Variants in LRP1B observed in about 807,000 individuals in gnomAD.
The protein encoded by LRP1B is low-density lipoprotein receptor-related protein 1B.
LRP1B carries 217 observed loss-of-function variants against 556.6 expected under a neutral mutation model. The ratio of observed to expected loss-of-function variants is 0.39; its 90% CI spans 0.35 to 0.44. The LOEUF is 0.44. Ranked by LOEUF, LRP1B falls within the 20% of genes least tolerant of loss-of-function variation. The probability of loss-of-function intolerance (pLI) is 1.00; values close to 1 mark genes in which losing one functional copy is unlikely to be tolerated. For synonymous variants in LRP1B, 2,047 were observed against 1,865.8 expected, an observed-to-expected ratio of 1.10 and a Z score of -2.50; for missense variants, 5,053 against 5,620.8, an observed-to-expected ratio of 0.90 and a Z score of 3.23.
At chr2:141,819,189 G>C (rs1696670887) in intron 1 of LRP1B, among the ~76,000 whole-genome samples, 1 of 151,764 alleles carries the variant, frequency 6.6e-6, no homozygotes, top group African/African-American at 2.4e-5. Context: ...AGTGAGCTGA[G>C]ATCACGCCAT....
At chr2:141,973,772 T>C (rs920470156) in intron 1 of LRP1B, among the ~76,000 whole-genome samples, 2 of 134,256 alleles carry the variant, frequency 1.5e-5, no homozygotes, top group African/African-American at 5.6e-5. Flanking sequence ...CTTTCAAATA[T>C]TGAAACATTA....
At chr2:141,988,859 C>A (rs1016450731) in intron 1 of LRP1B, among the ~76,000 whole-genome samples, 2 of 151,982 alleles carry the variant, frequency 1.3e-5, no homozygotes, top group East Asian at 3.9e-4. Flanking sequence ...CACTTTAGAG[C>A]ATTTTCTCAT....
At chr2:141,103,962 GTT>G (rs1229027936) in intron 7 of LRP1B, among the ~76,000 whole-genome samples, 1 of 151,732 alleles carries the variant, frequency 6.6e-6, no homozygotes, top group Non-Finnish European at 1.5e-5. Flanking sequence ...ATTTCTCCAT[GTT>G]TTTCACGTTC....
intron 1 of LRP1B, among the ~76,000 whole-genome samples, chr2:142,040,371 G>T (rs116480107): frequency 1.2e-4 from 18 of 151,238 alleles, no homozygotes; most frequent in African/African-American, 4.4e-4. Flanking sequence ...TGCACATTCC[G>T]GGAGGCAAAT....
intron 20 of LRP1B, among the ~76,000 whole-genome samples, chr2:140,934,472 C>A (rs1398370890): frequency 6.6e-6 from 1 of 152,108 alleles, no homozygotes; most frequent in African/African-American, 2.4e-5. Context: ...TATCTTGGAA[C>A]TGAAGTCTAC....
At chr2:141,942,346 G>A (rs1700833769) in intron 1 of LRP1B, among the ~76,000 whole-genome samples, 1 of 151,860 alleles carries the variant, frequency 6.6e-6, no homozygotes, top group Non-Finnish European at 1.5e-5. Flanking sequence ...GCAGTTTGAA[G>A]CCAACCTTTT....
At chr2:141,040,155 T>G (rs1373339997) in intron 11 of LRP1B, among the ~76,000 whole-genome samples, 1 of 152,074 alleles carries the variant, frequency 6.6e-6, no homozygotes, top group East Asian at 1.9e-4. Flanking sequence ...CCTTTAATAG[T>G]TGGTCAGAGT....
intron 2 of LRP1B, among the ~76,000 whole-genome samples, chr2:141,583,919 T>A (rs1687037683): frequency 6.6e-6 from 1 of 151,528 alleles, no homozygotes; most frequent in Admixed American, 6.6e-5. Context: ...TTTTTTTTTT[T>A]AGTAGCGATG....
intron 3 of LRP1B, among the ~76,000 whole-genome samples, chr2:141,334,432 C>T (rs771105023): frequency 7.9e-5 from 12 of 152,262 alleles, no homozygotes; most frequent in Non-Finnish European, 1.6e-4. Flanking sequence ...TGCGGCCTTA[C>T]AGCCATGCTT....
intron 1 of LRP1B, among the ~76,000 whole-genome samples, chr2:141,908,424 G>A (rs191218914): frequency 6.6e-6 from 1 of 152,050 alleles, no homozygotes; most frequent in East Asian, 1.9e-4. Flanking sequence ...AGACAGGTAA[G>A]ATTCTTTTCT....
intron 86 of LRP1B, among the ~76,000 whole-genome samples, chr2:140,251,715 G>A (rs1681426240): frequency 6.6e-6 from 1 of 151,436 alleles, no homozygotes; most frequent in Admixed American, 6.6e-5. Context: ...TGGCACAAAG[G>A]GATTAAAGAA....
intron 5 of LRP1B, among the ~76,000 whole-genome samples, chr2:141,241,629 A>G (rs903468387): frequency 6.6e-6 from 1 of 151,992 alleles, no homozygotes; most frequent in Admixed American, 6.6e-5. Flanking sequence ...CAGTACCCTC[A>G]TTTCGCTTCC....
chr2:141,460,182 A>C (rs1681805701), intron 3 of LRP1B, among the ~76,000 whole-genome samples: 1 of 152,144 alleles, frequency 6.6e-6, no homozygotes, highest in Admixed American at 6.6e-5. Context: ...TCCCTTAAAA[A>C]ATTTACCAAT....
At chr2:141,241,271 A>G (rs1380574622) in intron 5 of LRP1B, among the ~76,000 whole-genome samples, 1 of 152,070 alleles carries the variant, frequency 6.6e-6, no homozygotes, top group African/African-American at 2.4e-5. Context: ...TGGCCAGGCT[A>G]CCGGTCCGGG....
chr2:140,811,172 G>A (rs1481798629), intron 32 of LRP1B, among the ~76,000 whole-genome samples: 1 of 152,112 alleles, frequency 6.6e-6, no homozygotes, highest in Non-Finnish European at 1.5e-5. Flanking sequence ...TCTGCAAGGC[G>A]GGGTTCCTCT....
At chr2:141,057,871 C>G (rs921897254) in intron 9 of LRP1B, among the ~76,000 whole-genome samples, 2 of 152,002 alleles carry the variant, frequency 1.3e-5, no homozygotes, top group South Asian at 4.1e-4. Flanking sequence ...CATGGAACTT[C>G]TTCTGACTCT....
intron 14 of LRP1B, among the ~76,000 whole-genome samples, chr2:141,006,055 C>A (rs903517491): frequency 2.0e-5 from 3 of 151,932 alleles, no homozygotes; most frequent in African/African-American, 7.2e-5. Context: ...AGGTATACAA[C>A]AGACATAAAT....
At chr2:140,512,396 TG>T (rs1244959127) in intron 51 of LRP1B, among the ~76,000 whole-genome samples, 7 of 152,284 alleles carry the variant, frequency 4.6e-5, no homozygotes, top group African/African-American at 1.7e-4. Flanking sequence ...CACTGCCATC[TG>T]GAGATATACT....
chr2:140,934,993 T>C lies in LRP1B; in HGVS notation c.3137-11846A>G, dbSNP rs137856141. ...AAGACCTGAAAAGACCTTAAGTTTA[T>C]ACCCCAGGGTAATCTGTGGCACAGA... On this transcript the variant is annotated intron_variant, in intron 20 of 90. Coordinates refer to ENST00000389484, the MANE Select transcript of LRP1B (RefSeq NM_018557.3). Among the ~76,000 whole-genome samples the C allele has an allele frequency of 5.5e-3, 845 of 152,306 alleles. 10 individuals carry two copies. The highest frequency in any genetic ancestry group is 0.019 in the African/African-American group (793 of 41,578).
Sources: allele counts gnomAD v4.1 joint callset (sites outside exome capture counted in the v4.1 genomes callset), GRCh38; gene constraint gnomAD v4.1.1; transcripts MANE v1.5; gene names NCBI Gene and HGNC (gene_info 2026-07-23, HGNC 2026-07-21).